DPP10: variants seen among roughly 807,000 people sequenced by gnomAD.
DPP10 encodes the protein inactive dipeptidyl peptidase 10.
A neutral mutation model predicts 120.9 loss-of-function variants in DPP10; 33 were observed. The ratio of observed to expected loss-of-function variants is 0.27; its 90% CI spans 0.21 to 0.37. The LOEUF is 0.37. DPP10 is among the 10% of genes least tolerant of loss of function. The pLI is 1.00. For synonymous variants in DPP10, 337 were observed against 326.1 expected (o/e 1.03, Z -0.36); for missense variants, 816 against 942.8 (o/e 0.87, Z 1.76).
chr2:115,564,795 C>T (rs1198111637), intron 5 of DPP10, among the ~76,000 whole-genome samples: 1 of 152,164 alleles, frequency 6.6e-6, no homozygotes, highest in Non-Finnish European at 1.5e-5. Context: ...CCAAATTTAA[C>T]TGGCAATTTA....
At chr2:114,751,879 T>C (rs570905751) in intron 1 of DPP10, among the ~76,000 whole-genome samples, 1 of 152,352 alleles carries the variant, frequency 6.6e-6, no homozygotes, top group East Asian at 1.9e-4. Flanking sequence ...TAAACTTTAA[T>C]GTGCTTACCA....
At position 115,495,749 on chromosome 2, in the gene DPP10, C is replaced by T. The variant is rs569583678; in HGVS notation, c.272-3761C>T. 8.5e-5 allele frequency among the ~76,000 whole-genome samples: 13 copies of T among 152,230 alleles called. No individual in the cohort carries two copies. In the East Asian group the frequency reaches 2.5e-3, roughly 29 times the overall value. On this transcript the variant is annotated intron_variant, in intron 3 of 25. Coordinates refer to ENST00000410059, the MANE Select transcript of DPP10 (RefSeq NM_020868.6). ...AAATACGTGCTTAGATCTCAGGGTA[C>T]ACAGGCCAGATAGTGATTCTATTCT...
intron 5 of DPP10, among the ~76,000 whole-genome samples, chr2:115,652,413 G>A (rs2087873055): frequency 6.8e-6 from 1 of 147,550 alleles, no homozygotes; most frequent in Non-Finnish European, 1.5e-5. Context: ...ATATATATGT[G>A]TGTGTGTGTG....
chr2:115,004,220 T>A (rs1701648095), intron 1 of DPP10, among the ~76,000 whole-genome samples: 1 of 152,152 alleles, frequency 6.6e-6, no homozygotes. Context: ...ACATACAGTT[T>A]GATAAAAGAA....
intron 1 of DPP10, among the ~76,000 whole-genome samples, chr2:115,166,289 C>T (rs1164029649): frequency 1.3e-5 from 2 of 151,490 alleles, no homozygotes; most frequent in Non-Finnish European, 2.9e-5. Context: ...TTTCATAAAT[C>T]ATATTGAAAA....
chr2:115,759,426 C>A (rs143088418), intron 11 of DPP10, among the ~76,000 whole-genome samples: 4 of 151,202 alleles, frequency 2.6e-5, no homozygotes, highest in African/African-American at 9.7e-5. Context: ...CACTCAACTT[C>A]ATTAGACATT....
chr2:114,527,280 CTATAAAAAATT>C (rs1685583812), intron 1 of DPP10, among the ~76,000 whole-genome samples: 1 of 152,272 alleles, frequency 6.6e-6, no homozygotes, highest in South Asian at 2.1e-4. Context: ...CTCTATCTCT[CTATAAAAAATT>C]GAATTCCTTA....
At chr2:115,639,463 A>G (rs2086602638) in intron 5 of DPP10, among the ~76,000 whole-genome samples, 1 of 152,164 alleles carries the variant, frequency 6.6e-6, no homozygotes, top group African/African-American at 2.4e-5. Flanking sequence ...GTAACAGGAA[A>G]CGAAGTCAGG....
intron 1 of DPP10, chr2:115,161,558 C>CG (rs1252437398): frequency 6.4e-6 from 1 of 155,980 alleles, no homozygotes; most frequent in Non-Finnish European, 1.4e-5. Flanking sequence ...GAGCACCGCG[C>CG]GGGGAGCCCC....
intron 1 of DPP10, among the ~76,000 whole-genome samples, chr2:115,244,236 A>G (rs1453675629): frequency 4.5e-5 from 1 of 22,082 alleles, no homozygotes; most frequent in Non-Finnish European, 9.6e-5. Flanking sequence ...ATATATATAT[A>G]TATAGAGAGA....
chr2:115,565,674 G>A lies in DPP10; in HGVS notation c.441+39702G>A, dbSNP rs182475350. Among the ~76,000 whole-genome samples, 141 of 151,236 alleles carry A rather than the reference G, an allele frequency of 9.3e-4. 2 individuals carry two copies. The highest frequency in any genetic ancestry group is 1.2e-4 in the Non-Finnish European group (8 of 67,898). On this transcript the variant is annotated intron_variant, in intron 5 of 25. Coordinates refer to ENST00000410059, the MANE Select transcript of DPP10 (RefSeq NM_020868.6). ...TGGACTTGATATTTTTAAGGAGTAC[G>A]GGACAATTATTTTATAGATGCTGCT...
At chr2:114,451,012 G>GA (rs1678242314) in intron 1 of DPP10, among the ~76,000 whole-genome samples, 1 of 151,866 alleles carries the variant, frequency 6.6e-6, no homozygotes, top group Non-Finnish European at 1.5e-5. Context: ...TTTGCCCTAA[G>GA]AAAAATGAGT....
intron 3 of DPP10, among the ~76,000 whole-genome samples, chr2:115,467,480 G>A (rs1401672541): frequency 6.6e-6 from 1 of 151,950 alleles, no homozygotes; most frequent in African/African-American, 2.4e-5. Context: ...AGGAGGCTGA[G>A]GCAGGAGAAT....
intron 1 of DPP10, among the ~76,000 whole-genome samples, chr2:114,821,735 G>A (rs1686105091): frequency 1.3e-5 from 2 of 152,272 alleles, no homozygotes; most frequent in African/African-American, 2.4e-5. Context: ...AAACAAAGGG[G>A]CTACAAGCTC....
At chr2:114,929,582 C>A (rs1695913684) in intron 1 of DPP10, among the ~76,000 whole-genome samples, 1 of 152,190 alleles carries the variant, frequency 6.6e-6, no homozygotes, top group Admixed American at 6.5e-5. Context: ...TTCTGCCTGG[C>A]CCCATAGGCA....
At chr2:114,636,350 A>G (rs1695301784) in intron 1 of DPP10, among the ~76,000 whole-genome samples, 2 of 151,992 alleles carry the variant, frequency 1.3e-5, no homozygotes, top group Admixed American at 1.3e-4. Flanking sequence ...TTCTTATATA[A>G]CATTGGCATT....
intron 1 of DPP10, among the ~76,000 whole-genome samples, chr2:114,783,552 A>G (rs1192319637): frequency 6.6e-6 from 1 of 152,144 alleles, no homozygotes; most frequent in Non-Finnish European, 1.5e-5. Flanking sequence ...ACTGTTTCCC[A>G]TCTGCCTGGC....
intron 7 of DPP10, among the ~76,000 whole-genome samples, chr2:115,723,206 G>A (rs77884113): frequency 1.3e-5 from 2 of 152,176 alleles, no homozygotes; most frequent in African/African-American, 4.8e-5. Context: ...CGGGACTGAC[G>A]ACCAACAGAC....
intron 3 of DPP10, among the ~76,000 whole-genome samples, chr2:115,412,894 G>T (rs771557228): frequency 6.6e-6 from 1 of 152,090 alleles, no homozygotes; most frequent in Non-Finnish European, 1.5e-5. Flanking sequence ...TCAGTAGAGG[G>T]CCTCTCATCT....
Sources: allele counts gnomAD v4.1 joint callset (sites outside exome capture counted in the v4.1 genomes callset), GRCh38; gene constraint gnomAD v4.1.1; transcripts MANE v1.5; gene names NCBI Gene and HGNC (gene_info 2026-07-23, HGNC 2026-07-21).